NETO2: variants seen among roughly 807,000 people sequenced by gnomAD.
The protein encoded by NETO2 is neuropilin and tolloid like 2, also known as neuropilin and tolloid-like protein 2.
In NETO2, 28 loss-of-function variants were observed where a neutral mutation model predicts 62.5. The ratio of observed to expected loss-of-function variants is 0.45; its 90% CI spans 0.33 to 0.61. NETO2 has a LOEUF of 0.61. Ranked by LOEUF, NETO2 falls within the 20% of genes least tolerant of loss-of-function variation. The pLI, the probability that NETO2 is intolerant of heterozygous loss-of-function variation, is 0.02. For missense variants in NETO2, 548 were observed against 643.2 expected, an observed-to-expected ratio of 0.85 and a Z score of 1.60; for synonymous variants, 214 against 219.1, an observed-to-expected ratio of 0.98 and a Z score of 0.21.
chr16:47,115,261 T>C (rs1963886158), intron 6 of NETO2, among the ~76,000 whole-genome samples: 1 of 152,162 alleles, frequency 6.6e-6, no homozygotes, highest in African/African-American at 2.4e-5. Context: ...TGTCAATCTT[T>C]ACAAAAAATA....
chr16:47,082,903 G>C lies in NETO2; in HGVS notation c.*318C>G, dbSNP rs958635057. ...ATCAGTCAAGAGCAGTCTTCTTGTT[G>C]CTAAAACGAAGAGGCAGCCTGAGCC... On this transcript the variant is annotated 3_prime_UTR_variant, in exon 9 of 9. Coordinates refer to ENST00000562435, the MANE Select transcript of NETO2 (RefSeq NM_018092.5). The C allele has an allele frequency of 1.0e-4, 27 of 258,778 alleles. No individual in the cohort carries two copies. Among genetic ancestry groups the C allele is most frequent in the African/African-American group, 5.3e-4 (24 of 45,300 alleles). The allele number at this position is 258,778 out of a possible 1,614,324, so 16.0% of individuals were successfully genotyped here.
chr16:47,130,453 TA>T (rs1033527501), intron 2 of NETO2, among the ~76,000 whole-genome samples: 169 of 150,424 alleles, frequency 1.1e-3, no homozygotes, highest in African/African-American at 3.9e-3. Flanking sequence ...AATAAATAAA[TA>T]AATAATAATA....
At chr16:47,097,326 G>C (rs762305534) in intron 7 of NETO2, among the ~76,000 whole-genome samples, 4 of 152,224 alleles carry the variant, frequency 2.6e-5, no homozygotes, top group Non-Finnish European at 5.9e-5. Flanking sequence ...GGACGCTTGA[G>C]CTTGGTAGGG....
chr16:47,129,464 A>G (rs1020088589), intron 2 of NETO2, 100 bp from the exon 3 acceptor site: 8 of 1,196,308 alleles, frequency 6.7e-6, no homozygotes, highest in Middle Eastern at 1.9e-4. Context: ...TCTATGCTAC[A>G]TATATAAAAT....
At chr16:47,106,805 G>A (rs1305292103) in intron 7 of NETO2, among the ~76,000 whole-genome samples, 1 of 150,544 alleles carries the variant, frequency 6.6e-6, no homozygotes, top group Non-Finnish European at 1.5e-5. Context: ...TTTGAGACAG[G>A]GTCTCACTCT....
chr16:47,124,189 T>A (rs906564142), intron 4 of NETO2, among the ~76,000 whole-genome samples: 1 of 152,194 alleles, frequency 6.6e-6, no homozygotes, highest in African/African-American at 2.4e-5. Context: ...ACAAAACTCA[T>A]CCTTGCTGAA....
chr16:47,136,729 T>G (rs1423705509), intron 1 of NETO2, among the ~76,000 whole-genome samples: 2 of 152,132 alleles, frequency 1.3e-5, no homozygotes, highest in African/African-American at 4.8e-5. Context: ...ATGATATACA[T>G]GGTATTTGAA....
chr16:47,107,622 A>G (rs955263377), intron 7 of NETO2, among the ~76,000 whole-genome samples: 1 of 152,322 alleles, frequency 6.6e-6, no homozygotes, highest in South Asian at 2.1e-4. Context: ...GGAAAACACT[A>G]GTTGAGCCTG....
chr16:47,131,115 A>C (rs1964259124), intron 2 of NETO2, among the ~76,000 whole-genome samples: 1 of 152,132 alleles, frequency 6.6e-6, no homozygotes, highest in Admixed American at 6.6e-5. Flanking sequence ...AATTCAGCTG[A>C]ATGAGTGACT....
chr16:47,119,162 T>C (rs539138933), intron 6 of NETO2, among the ~76,000 whole-genome samples: 1 of 151,292 alleles, frequency 6.6e-6, no homozygotes, highest in East Asian at 1.9e-4. Flanking sequence ...TTTTCTTTTT[T>C]TTTTTTTGAG....
At chr16:47,087,064 C>T (rs968211362) in intron 7 of NETO2, among the ~76,000 whole-genome samples, 2 of 148,766 alleles carry the variant, frequency 1.3e-5, no homozygotes, top group Non-Finnish European at 3.0e-5. Flanking sequence ...GAGTCTCACT[C>T]TGTTGCCAGG....
chr16:47,087,854 T>C (rs150100040), intron 7 of NETO2, among the ~76,000 whole-genome samples: 20 of 152,304 alleles, frequency 1.3e-4, no homozygotes, highest in Admixed American at 4.6e-4. Flanking sequence ...TGTGTGTTCC[T>C]ATCACACTCC....
chr16:47,096,164 T>G (rs1419615961), intron 7 of NETO2, among the ~76,000 whole-genome samples: 4 of 152,024 alleles, frequency 2.6e-5, no homozygotes, highest in African/African-American at 9.7e-5. Flanking sequence ...CTAAAAGCAG[T>G]AGTAAAAGGG....
chr16:47,108,695 T>C (rs1025062285), intron 7 of NETO2, among the ~76,000 whole-genome samples: 10 of 152,178 alleles, frequency 6.6e-5, no homozygotes, highest in Middle Eastern at 3.2e-3. Context: ...AAAAGCAATG[T>C]GGGAAACTGG....
chr16:47,111,983 G>A (rs768703398), intron 6 of NETO2, among the ~76,000 whole-genome samples: 2 of 152,148 alleles, frequency 1.3e-5, no homozygotes, highest in Non-Finnish European at 2.9e-5. Context: ...TCCCCAGAAA[G>A]CTACTATCAT....
At chr16:47,130,528 A>G (rs1596745197) in intron 2 of NETO2, among the ~76,000 whole-genome samples, 1 of 151,900 alleles carries the variant, frequency 6.6e-6, no homozygotes, top group South Asian at 2.1e-4. Context: ...ATATTTAAAA[A>G]CCACCACCAC....
chr16:47,086,707 C>A, intron 7 of NETO2, among the ~76,000 whole-genome samples: 1 of 152,224 alleles, frequency 6.6e-6, no homozygotes, highest in South Asian at 2.1e-4. Flanking sequence ...TAAGATGGTG[C>A]AGTCATTGTG....
intron 7 of NETO2, among the ~76,000 whole-genome samples, chr16:47,096,729 T>A (rs375901121): frequency 6.6e-6 from 1 of 152,236 alleles, no homozygotes. Context: ...TTAACACCAA[T>A]CAGTTGATTC....
At chr16:47,119,919 T>C (rs1279290800) in intron 6 of NETO2, among the ~76,000 whole-genome samples, 1 of 152,250 alleles carries the variant, frequency 6.6e-6, no homozygotes, top group Non-Finnish European at 1.5e-5. Context: ...TCTGTTTTGA[T>C]GAATGTTTTA....
Sources: allele counts gnomAD v4.1 joint callset (sites outside exome capture counted in the v4.1 genomes callset), GRCh38; gene constraint gnomAD v4.1.1; transcripts MANE v1.5; gene names NCBI Gene and HGNC (gene_info 2026-07-23, HGNC 2026-07-21).